PVT1: variants seen among roughly 807,000 people sequenced by gnomAD.
PVT1 encodes the protein CXCR4/PVT1 fusion.
intron 3 of PVT1, among the ~76,000 whole-genome samples, chr8:127,902,538 A>G (rs1815771703): frequency 6.6e-6 from 1 of 151,830 alleles, no homozygotes; most frequent in South Asian, 2.1e-4. Context: ...CTCATCACGC[A>G]GGTACTGAGC....
intron 3 of PVT1, among the ~76,000 whole-genome samples, chr8:127,955,818 C>T (rs1816562137): frequency 1.3e-5 from 2 of 152,182 alleles, no homozygotes; most frequent in South Asian, 4.1e-4. Context: ...CTCCTAGCCT[C>T]AAGTGATCTG....
chr8:127,821,962 G>A (rs1814735222), intron 2 of PVT1, among the ~76,000 whole-genome samples: 1 of 152,246 alleles, frequency 6.6e-6, no homozygotes, highest in Admixed American at 6.5e-5. Flanking sequence ...CCTACCAGGT[G>A]TGGATGAGGC....
chr8:127,947,015 T>G (rs890219818), intron 3 of PVT1: 2 of 152,246 alleles, frequency 1.3e-5, no homozygotes, highest in Non-Finnish European at 2.9e-5. Flanking sequence ...ACTTGTTGTT[T>G]TCATAATACC....
At chr8:128,074,590 T>C (rs1275907409) in intron 5 of PVT1, among the ~76,000 whole-genome samples, 2 of 152,038 alleles carry the variant, frequency 1.3e-5, no homozygotes, top group Non-Finnish European at 2.9e-5. Flanking sequence ...CTTTTTATAG[T>C]GATTTGGTCA....
At chr8:127,981,778 T>C (rs1049403916) in intron 3 of PVT1, among the ~76,000 whole-genome samples, 2 of 152,302 alleles carry the variant, frequency 1.3e-5, no homozygotes, top group South Asian at 4.1e-4. Flanking sequence ...GCATCCTCTG[T>C]TTCTACGGTG....
intron 3 of PVT1, among the ~76,000 whole-genome samples, chr8:127,962,904 A>G (rs1342445115): frequency 3.9e-5 from 6 of 152,018 alleles, no homozygotes; most frequent in Non-Finnish European, 8.8e-5. Context: ...CCTCATCTGC[A>G]TTTTAGGGTC....
At chr8:127,936,536 C>T (rs972660965) in intron 3 of PVT1, among the ~76,000 whole-genome samples, 1 of 152,198 alleles carries the variant, frequency 6.6e-6, no homozygotes, top group African/African-American at 2.4e-5. Context: ...TGGTCTGACA[C>T]TTTCTGAATC....
At chr8:127,830,674 C>T (rs932331410) in intron 2 of PVT1, among the ~76,000 whole-genome samples, 1 of 151,966 alleles carries the variant, frequency 6.6e-6, no homozygotes, top group East Asian at 1.9e-4. Context: ...TGAGTGTCAA[C>T]TTGATTGGAT....
chr8:128,000,038 T>C (rs1817157238), intron 4 of PVT1, among the ~76,000 whole-genome samples: 1 of 152,238 alleles, frequency 6.6e-6, no homozygotes, highest in African/African-American at 2.4e-5. Context: ...CTGGGCTTCA[T>C]GTGCCCTTGC....
At chr8:128,028,682 A>G (rs1813352428) in intron 4 of PVT1, among the ~76,000 whole-genome samples, 1 of 152,200 alleles carries the variant, frequency 6.6e-6, no homozygotes, top group African/African-American at 2.4e-5. Context: ...AGGGTGATGA[A>G]TACTGTAGGT....
rs139084141 is a variant in PVT1, at chr8:127,958,684, A to C, written n.783-30478A>C. On this transcript the variant is annotated intron_variant and non_coding_transcript_variant, in intron 3 of 10. Coordinates refer to ENST00000651587, the Ensembl canonical transcript of PVT1. ...GAGCCAGGATTTGACCCAGTGATTTAGGATTCCAAGTCCAAGGCTCAAAGT... is the reference window on the plus strand; with the variant it reads ...GAGCCAGGATTTGACCCAGTGATTTCGGATTCCAAGTCCAAGGCTCAAAGT... Among the ~76,000 whole-genome samples the C allele has an allele frequency of 2.9e-3, 439 of 152,300 alleles. 2 individuals carry two copies. Among genetic ancestry groups the C allele is most frequent in the Middle Eastern group, 0.02 (6 of 294 alleles).
At chr8:127,960,201 G>A (rs1483762065) in intron 3 of PVT1, among the ~76,000 whole-genome samples, 1 of 152,166 alleles carries the variant, frequency 6.6e-6, no homozygotes, top group Non-Finnish European at 1.5e-5. Flanking sequence ...AAGTTGGAGG[G>A]TCCGTGAGTC....
chr8:127,996,597 A>T (rs1056586683), intron 4 of PVT1: 1 of 152,078 alleles, frequency 6.6e-6, no homozygotes, highest in African/African-American at 2.4e-5. Flanking sequence ...ACGAGAAACC[A>T]GGTCGGGATT....
At chr8:127,868,182 G>A (rs1376064263) in intron 2 of PVT1, among the ~76,000 whole-genome samples, 1 of 152,046 alleles carries the variant, frequency 6.6e-6, no homozygotes, top group Non-Finnish European at 1.5e-5. Flanking sequence ...CGAGGTGGTG[G>A]GAAGACCTAG....
At chr8:127,945,569 G>A (rs1297692347) in intron 3 of PVT1, among the ~76,000 whole-genome samples, 1 of 152,194 alleles carries the variant, frequency 6.6e-6, no homozygotes, top group Non-Finnish European at 1.5e-5. Flanking sequence ...GCCCTCCAAA[G>A]GCAGCATGAA....
At chr8:127,978,354 C>G (rs1360055773) in intron 3 of PVT1, among the ~76,000 whole-genome samples, 1 of 151,962 alleles carries the variant, frequency 6.6e-6, no homozygotes, top group Non-Finnish European at 1.5e-5. Flanking sequence ...GAGACAGTAT[C>G]TCACTATGTT....
Position 128,065,906 on chromosome 8 carries a change from C to T in PVT1, n.913-4254C>T, listed in dbSNP as rs140077732. On this transcript the variant is annotated intron_variant and non_coding_transcript_variant, in intron 4 of 10. Transcript: ENST00000651587. ...TCACAAATATTTGCTGAGAGTCCTA[C>T]TGTGTGCCCCACACTGCCAACAAGG... Among the ~76,000 whole-genome samples the T allele has an allele frequency of 7.7e-3, 1,168 of 152,380 alleles. 8 individuals carry two copies. The highest frequency in any genetic ancestry group is 0.013 in the Non-Finnish European group (854 of 68,042).
chr8:128,029,777 C>T (rs1813367761), intron 4 of PVT1, among the ~76,000 whole-genome samples: 1 of 152,062 alleles, frequency 6.6e-6, no homozygotes, highest in Non-Finnish European at 1.5e-5. Flanking sequence ...CCAGCCTGGG[C>T]AACAGAGGGA....
At chr8:128,091,312 C>T (rs565121507) in intron 5 of PVT1, among the ~76,000 whole-genome samples, 2 of 152,258 alleles carry the variant, frequency 1.3e-5, no homozygotes, top group African/African-American at 2.4e-5. Context: ...AGGCCAAGTC[C>T]GGTACTCGTC....
Sources: allele counts gnomAD v4.1 joint callset (sites outside exome capture counted in the v4.1 genomes callset), GRCh38; gene constraint gnomAD v4.1.1; transcripts MANE v1.5; gene names NCBI Gene and HGNC (gene_info 2026-07-23, HGNC 2026-07-21).